Variants in PCDHA12 observed in about 807,000 individuals in gnomAD.
The protein encoded by PCDHA12 is protocadherin alpha 12.
A neutral mutation model predicts 60.0 loss-of-function variants in PCDHA12; 44 were observed. The observed-to-expected ratio is 0.73, with a 90% CI of 0.58 to 0.94. The LOEUF (loss-of-function observed/expected upper bound fraction) is 0.94, where lower values mean the gene tolerates loss of function less well. PCDHA12 is among the 40% of genes least tolerant of loss of function. PCDHA12 has a pLI of 0.00. For missense variants in PCDHA12, 1,276 were observed against 1,239.7 expected, an observed-to-expected ratio of 1.03 and a Z score of -0.44; for synonymous variants, 569 against 553.0, an observed-to-expected ratio of 1.03 and a Z score of -0.40.
At chr5:140,911,654 T>C (rs1554194855) in intron 1 of PCDHA12, among the ~76,000 whole-genome samples, 1 of 152,218 alleles carries the variant, frequency 6.6e-6, no homozygotes, top group Non-Finnish European at 1.5e-5. Flanking sequence ...ATAGAGTTAC[T>C]AAACTCCTTG....
chr5:140,963,509 G>A, intron 1 of PCDHA12, among the ~76,000 whole-genome samples: 1 of 152,164 alleles, frequency 6.6e-6, no homozygotes, highest in Non-Finnish European at 1.5e-5. Flanking sequence ...CTCTTGAAGG[G>A]GTTCTCATAA....
intron 3 of PCDHA12, among the ~76,000 whole-genome samples, chr5:141,004,044 T>G (rs2098148933): frequency 6.6e-6 from 1 of 152,234 alleles, no homozygotes; most frequent in African/African-American, 2.4e-5. Context: ...ATTGATCATT[T>G]GCTGATACTG....
intron 1 of PCDHA12, chr5:140,882,906 C>G: frequency 6.2e-7 from 1 of 1,614,200 alleles, no homozygotes; most frequent in Non-Finnish European, 8.5e-7. Context: ...TTATTACTGA[C>G]AGCCAGTGAT....
At chr5:141,001,624 CG>C (rs1335079944) in intron 3 of PCDHA12, among the ~76,000 whole-genome samples, 1 of 151,678 alleles carries the variant, frequency 6.6e-6, no homozygotes, top group African/African-American at 2.4e-5. Context: ...AAAGGACTGG[CG>C]GGGGTTGGGG....
At chr5:140,973,858 C>G (rs1277402007) in intron 1 of PCDHA12, among the ~76,000 whole-genome samples, 1 of 152,156 alleles carries the variant, frequency 6.6e-6, no homozygotes, top group Non-Finnish European at 1.5e-5. Flanking sequence ...AATTTTTGCT[C>G]TCAATGAGAG....
intron 3 of PCDHA12, among the ~76,000 whole-genome samples, chr5:141,007,087 A>G (rs1554261040): frequency 6.6e-6 from 1 of 152,112 alleles, no homozygotes; most frequent in African/African-American, 2.4e-5. Context: ...AATAGAGAAG[A>G]GAGTCTAGGG....
intron 1 of PCDHA12, chr5:140,883,878 C>T: frequency 1.9e-6 from 3 of 1,613,260 alleles, no homozygotes; most frequent in Middle Eastern, 1.7e-4. Context: ...CAGGTGAGCG[C>T]GCGCGACTCT....
At chr5:140,986,397 C>T (rs943993265) in intron 3 of PCDHA12, among the ~76,000 whole-genome samples, 8 of 152,280 alleles carry the variant, frequency 5.3e-5, no homozygotes, top group Admixed American at 3.9e-4. Flanking sequence ...AAGGGCCAGT[C>T]GCTCATGTTA....
At chr5:140,988,579 C>T (rs1292742279) in intron 3 of PCDHA12, among the ~76,000 whole-genome samples, 2 of 152,266 alleles carry the variant, frequency 1.3e-5, no homozygotes, top group East Asian at 3.9e-4. Context: ...CACTCTGTAC[C>T]TTCCACTTTT....
chr5:140,951,833 A>G (rs2094641584), intron 1 of PCDHA12, among the ~76,000 whole-genome samples: 1 of 152,190 alleles, frequency 6.6e-6, no homozygotes, highest in Admixed American at 6.5e-5. Flanking sequence ...TCATTCCAGC[A>G]TTAAGCCAAA....
intron 1 of PCDHA12, among the ~76,000 whole-genome samples, chr5:140,975,124 C>T (rs560299893): frequency 6.6e-6 from 1 of 152,268 alleles, no homozygotes; most frequent in African/African-American, 2.4e-5. Flanking sequence ...TTCCTACTTA[C>T]TATTGGCCTG....
At chr5:140,993,376 G>A (rs577656854) in intron 3 of PCDHA12, among the ~76,000 whole-genome samples, 6 of 151,752 alleles carry the variant, frequency 4.0e-5, no homozygotes, top group Non-Finnish European at 7.4e-5. Context: ...CCTCCCAGCC[G>A]GGTCCCTGAA....
chr5:140,998,646 C>G (rs1413467899), intron 3 of PCDHA12, among the ~76,000 whole-genome samples: 1 of 151,870 alleles, frequency 6.6e-6, no homozygotes, highest in Non-Finnish European at 1.5e-5. Flanking sequence ...CTCACTGCAA[C>G]CTCTGCCTCC....
chr5:140,966,502 GGCA>G (rs2096011406), intron 1 of PCDHA12: 14 of 433,816 alleles, frequency 3.2e-5, no homozygotes, highest in South Asian at 2.3e-4. Context: ...GAGCTGTAGC[GGCA>G]GCAGCAGCAG....
intron 1 of PCDHA12, among the ~76,000 whole-genome samples, chr5:140,900,475 C>G (rs2153470131): frequency 6.6e-6 from 1 of 152,298 alleles, no homozygotes; most frequent in East Asian, 1.9e-4. Flanking sequence ...CGGAGTTTCT[C>G]CATGTTGGTC....
chr5:140,926,763 C>T, intron 1 of PCDHA12: 1 of 1,327,892 alleles, frequency 7.5e-7, no homozygotes, highest in African/African-American at 1.5e-5. Flanking sequence ...GCTGAGTATC[C>T]AGCCCGCAGC....
At position 140,875,342 on chromosome 5, in the gene PCDHA12, A is replaced by C; in HGVS notation, c.-131A>C. ...TCATTCACGGAATAGGATCGACTCCATAATGACTGTGATGCTGGAAAAAAT... is the reference window on the plus strand; with the variant it reads ...TCATTCACGGAATAGGATCGACTCCCTAATGACTGTGATGCTGGAAAAAAT... On this transcript the variant is annotated 5_prime_UTR_variant, in exon 1 of 4. Transcript: ENST00000398631. 6.9e-7 allele frequency: 1 copy of C among 1,443,152 alleles called. No homozygotes were observed. The highest frequency in any genetic ancestry group is 9.1e-7 in the Non-Finnish European group (1 of 1,101,744). The allele number at this position is 1,443,152 out of a possible 1,614,324, so 89.4% of individuals were successfully genotyped here. A position where few individuals can be genotyped will look rare whatever the true frequency, so the allele number is the denominator to read the frequency against.
intron 1 of PCDHA12, among the ~76,000 whole-genome samples, chr5:140,938,050 A>G (rs1169641392): frequency 6.6e-6 from 1 of 152,116 alleles, no homozygotes; most frequent in African/African-American, 2.4e-5. Context: ...TGGGTTTTCT[A>G]CATATACTGT....
rs17119334 is a variant in PCDHA12, at chr5:140,988,093, G to A, written c.2515+5530G>A. On this transcript the variant is annotated intron_variant, in intron 3 of 3. Coordinates refer to ENST00000398631, the MANE Select transcript of PCDHA12 (RefSeq NM_018903.4). ...CTATTTCATGAGTGAGTGCAGCCTCGGGCCTTGTTGGAGAATTTAGAAAGC... is the reference window on the plus strand; with the variant it reads ...CTATTTCATGAGTGAGTGCAGCCTCAGGCCTTGTTGGAGAATTTAGAAAGC... Among the ~76,000 whole-genome samples the A allele has an allele frequency of 6.9e-3, 1,055 of 152,154 alleles. 47 individuals are homozygous for A. The East Asian group carries it at 0.14, about 21-fold the overall frequency.
Sources: gnomAD v4.1 joint callset for allele counts (sites outside exome capture counted in the v4.1 genomes callset) on GRCh38, gnomAD v4.1.1 for gene constraint, MANE v1.5 for transcripts, NCBI Gene and HGNC (gene_info 2026-07-23, HGNC 2026-07-21) for gene names.